Variants in TMEFF1 observed in about 807,000 individuals in gnomAD.
TMEFF1 encodes tomoregulin-1.
In TMEFF1, 20 loss-of-function variants were observed where a neutral mutation model predicts 47.5. The observed-to-expected ratio is 0.42, with a 90% CI of 0.30 to 0.61. TMEFF1 has a LOEUF of 0.61. Ranked by LOEUF, TMEFF1 falls within the 20% of genes least tolerant of loss-of-function variation. The pLI, the probability that TMEFF1 is intolerant of heterozygous loss-of-function variation, is 0.19. For synonymous variants in TMEFF1, 162 were observed against 166.3 expected, an observed-to-expected ratio of 0.97 and a Z score of 0.20; for missense variants, 411 against 471.1, an observed-to-expected ratio of 0.87 and a Z score of 1.18.
At chr9:100,523,512 A>G (rs1288299242) in intron 5 of TMEFF1, among the ~76,000 whole-genome samples, 3 of 152,174 alleles carry the variant, frequency 2.0e-5, no homozygotes, top group Non-Finnish European at 4.4e-5. Context: ...GTGGCAATCG[A>G]CACTAGGCCT....
chr9:100,525,569 G>A (rs570514407), intron 5 of TMEFF1, among the ~76,000 whole-genome samples: 183 of 150,964 alleles, frequency 1.2e-3, no homozygotes, highest in African/African-American at 4.3e-3. Flanking sequence ...CGAACCCCCC[G>A]TATTCTGAGT....
chr9:100,574,088 G>C (rs1017487124), intron 9 of TMEFF1, among the ~76,000 whole-genome samples: 2 of 152,222 alleles, frequency 1.3e-5, no homozygotes, highest in Non-Finnish European at 2.9e-5. Flanking sequence ...ACACTGAAAG[G>C]TTCCATGTTG....
At chr9:100,487,687 G>A (rs1424440758) in intron 1 of TMEFF1, among the ~76,000 whole-genome samples, 2 of 151,970 alleles carry the variant, frequency 1.3e-5, no homozygotes, top group East Asian at 3.9e-4. Context: ...CAGAGTAACA[G>A]TCAGTTTTCT....
Position 100,561,725 on chromosome 9 carries a change from G to A in TMEFF1, c.899+205G>A, listed in dbSNP as rs187452589. 2.7e-3 allele frequency among the ~76,000 whole-genome samples: 399 copies of A among 150,004 alleles called. 2 individuals are homozygous for A. The highest frequency in any genetic ancestry group is 4.4e-3 in the Non-Finnish European group (299 of 67,534). On this transcript the variant is annotated intron_variant, in intron 8 of 9. Transcript: ENST00000374879. ...AAACAAAAATCTTTTTTTTTTTTAG[G>A]GCTTAACATTTTAAATATAATACTA...
chr9:100,546,492 G>T (rs1033957432), intron 5 of TMEFF1, among the ~76,000 whole-genome samples: 20 of 151,122 alleles, frequency 1.3e-4, no homozygotes, highest in Non-Finnish European at 2.8e-4. Flanking sequence ...TTCAAGATGA[G>T]ATTTGGGTAA....
At chr9:100,565,213 C>T (rs571510884) in intron 8 of TMEFF1, among the ~76,000 whole-genome samples, 1 of 152,152 alleles carries the variant, frequency 6.6e-6, no homozygotes, top group Non-Finnish European at 1.5e-5. Flanking sequence ...ATTTTACTTT[C>T]TACCTAGCAA....
In TMEFF1 at chr9:100,477,620, C is replaced by CTTTTTT. The variant is rs869245620; in HGVS notation, c.196+3898_196+3903dup. Among the ~76,000 whole-genome samples the CTTTTTT allele has an allele frequency of 1.8e-4, 19 of 106,736 alleles. 1 individual carries two copies. Among genetic ancestry groups the CTTTTTT allele is most frequent in the East Asian group, 2.9e-4 (1 of 3,422 alleles). The allele number at this position is 106,736 out of a possible 152,430, so 70.0% of individuals were successfully genotyped here. A position where few individuals can be genotyped will look rare whatever the true frequency, so the allele number is the denominator to read the frequency against. On this transcript the variant is annotated intron_variant, in intron 1 of 9. Coordinates refer to ENST00000374879, the MANE Select transcript of TMEFF1 (RefSeq NM_003692.5). ...ATGTTTTTCTGGATCTGCATTCCGC[C>CTTTTTT]TTTTTTTTTTTTTTTTTTTTTTTGA...
At chr9:100,575,078 C>T (rs1199377029) in intron 9 of TMEFF1, among the ~76,000 whole-genome samples, 1 of 152,154 alleles carries the variant, frequency 6.6e-6, no homozygotes, top group East Asian at 1.9e-4. Flanking sequence ...GGTATTTCCT[C>T]CCCTAGAATG....
intron 7 of TMEFF1, among the ~76,000 whole-genome samples, chr9:100,555,655 T>A (rs1010735921): frequency 4.6e-5 from 7 of 152,206 alleles, no homozygotes; most frequent in Admixed American, 2.0e-4. Flanking sequence ...GAGTTCATTA[T>A]CAGTGTTATT....
intron 1 of TMEFF1, among the ~76,000 whole-genome samples, chr9:100,489,354 C>T (rs1837508770): frequency 1.3e-5 from 2 of 152,054 alleles, no homozygotes; most frequent in Non-Finnish European, 2.9e-5. Flanking sequence ...AGGCATGTGC[C>T]ACCACGCCTG....
intron 5 of TMEFF1, among the ~76,000 whole-genome samples, chr9:100,532,716 G>A (rs951932403): frequency 1.1e-4 from 16 of 151,822 alleles, no homozygotes; most frequent in Admixed American, 1.0e-3. Context: ...AATACCATTT[G>A]ACCCAGCCAT....
At chr9:100,477,026 C>T (rs539304276) in intron 1 of TMEFF1, among the ~76,000 whole-genome samples, 3 of 152,222 alleles carry the variant, frequency 2.0e-5, no homozygotes, top group African/African-American at 7.2e-5. Context: ...ATACAGCCCT[C>T]GATTCCCTGT....
intron 7 of TMEFF1, among the ~76,000 whole-genome samples, chr9:100,554,242 T>G (rs1389859753): frequency 6.6e-6 from 1 of 152,194 alleles, no homozygotes. Context: ...GATATGTCCT[T>G]TTAAAAACGA....
intron 7 of TMEFF1, among the ~76,000 whole-genome samples, chr9:100,558,573 A>AT (rs1270850390): frequency 6.6e-6 from 1 of 151,648 alleles, no homozygotes; most frequent in African/African-American, 2.4e-5. Flanking sequence ...AGATGTGATA[A>AT]TTAAGTTTTG....
chr9:100,521,910 C>T (rs1838167740), intron 5 of TMEFF1, among the ~76,000 whole-genome samples: 1 of 152,154 alleles, frequency 6.6e-6, no homozygotes, highest in Non-Finnish European at 1.5e-5. Flanking sequence ...CTCAGAGTTG[C>T]TCAGAGAATC....
chr9:100,483,892 C>T (rs1837391840), intron 1 of TMEFF1, among the ~76,000 whole-genome samples: 1 of 151,932 alleles, frequency 6.6e-6, no homozygotes, highest in African/African-American at 2.4e-5. Context: ...GTTTTGTCAT[C>T]TCCTCTTAAT....
chr9:100,494,173 C>T (rs1047916926), intron 1 of TMEFF1, among the ~76,000 whole-genome samples: 5 of 144,834 alleles, frequency 3.5e-5, no homozygotes, highest in Non-Finnish European at 7.4e-5. Context: ...CACCACTGCA[C>T]TCCAGCCTGG....
At chr9:100,488,178 A>G (rs1050856643) in intron 1 of TMEFF1, among the ~76,000 whole-genome samples, 3 of 152,200 alleles carry the variant, frequency 2.0e-5, no homozygotes, top group African/African-American at 7.2e-5. Flanking sequence ...GTAAACCGGC[A>G]TATGTTTCAA....
At chr9:100,485,119 A>ATTTCAT (rs1382403431) in intron 1 of TMEFF1, among the ~76,000 whole-genome samples, 1 of 152,174 alleles carries the variant, frequency 6.6e-6, no homozygotes, top group Non-Finnish European at 1.5e-5. Context: ...ATGTATCAGA[A>ATTTCAT]TTTCATTCCT....
Sources: allele counts gnomAD v4.1 joint callset (sites outside exome capture counted in the v4.1 genomes callset), GRCh38; gene constraint gnomAD v4.1.1; transcripts MANE v1.5; gene names NCBI Gene and HGNC (gene_info 2026-07-23, HGNC 2026-07-21).